Variants in ADARB2 observed in about 807,000 individuals in gnomAD.
ADARB2 encodes the protein inactive double-stranded RNA-specific editase B2.
In ADARB2, 25 loss-of-function variants were observed where a neutral mutation model predicts 62.2. The ratio of observed to expected loss-of-function variants is 0.40; its 90% confidence interval spans 0.29 to 0.56. ADARB2 has a LOEUF of 0.56. Among genes scored for constraint, ADARB2 ranks in the 20% least tolerant of loss-of-function variants. The pLI, the probability that ADARB2 is intolerant of heterozygous loss-of-function variation, is 0.43. For synonymous variants in ADARB2, 572 were observed against 500.8 expected (o/e 1.14, Z -1.90); for missense variants, 1,071 against 1,077.4 (o/e 0.99, Z 0.08).
intron 1 of ADARB2, among the ~76,000 whole-genome samples, chr10:1,505,611 G>A (rs560461818): frequency 4.1e-4 from 62 of 152,158 alleles, no homozygotes; most frequent in Non-Finnish European, 7.2e-4. Context: ...CGCGTCAGCC[G>A]CCTCCCCACA....
At chr10:1,444,269 TTCCATCTATCTACA>T (rs1425133090) in intron 1 of ADARB2, among the ~76,000 whole-genome samples, 102 of 66,368 alleles carry the variant, frequency 1.5e-3, no homozygotes, top group African/African-American at 5.7e-3. Flanking sequence ...ATCCATCTAT[TTCCATCTATCTACA>T]TCCATCCATC....
intron 1 of ADARB2, among the ~76,000 whole-genome samples, chr10:1,602,357 G>A (rs1333039569): frequency 2.6e-5 from 4 of 152,064 alleles, no homozygotes; most frequent in African/African-American, 4.8e-5. Flanking sequence ...TTTTCCCAGC[G>A]TCTCCCTCCC....
chr10:1,184,990 G>C lies in ADARB2; in HGVS notation c.1914C>G (p.Ser638Arg). 2 of 1,613,682 alleles carry C rather than the reference G, an allele frequency of 1.2e-6. No homozygotes were observed. The highest frequency in any genetic ancestry group is 3.3e-5 in the Admixed American group (2 of 60,028). ...ARQPGKSPPFSMNWVVGSADL... is the reference protein window; with the variant it reads ...ARQPGKSPPFRMNWVVGSADL... ...CCGCGCTGCCCACGACCCAGTTCAT[G>C]CTGAAGGGGGGCGACTTCCCCGGCT... The change falls in exon 9 of 10, where the codon AGC becomes AGG. Residue 638 changes from serine (S) to arginine (R), a missense_variant. Coordinates refer to ENST00000381312, the MANE Select transcript of ADARB2 (RefSeq NM_018702.4).
chr10:1,709,768 G>A (rs775822417), intron 1 of ADARB2, among the ~76,000 whole-genome samples: 10 of 152,112 alleles, frequency 6.6e-5, no homozygotes, highest in East Asian at 1.9e-4. Context: ...CCCTTGGCAC[G>A]TCAACACACC....
intron 1 of ADARB2, among the ~76,000 whole-genome samples, chr10:1,733,797 A>G (rs1014643375): frequency 1.3e-5 from 2 of 152,184 alleles, no homozygotes; most frequent in Non-Finnish European, 2.9e-5. Context: ...ATAAAGTGCA[A>G]TCTCCTGGTA....
chr10:1,357,657 G>A (rs907038968), intron 3 of ADARB2, among the ~76,000 whole-genome samples: 3 of 152,224 alleles, frequency 2.0e-5, no homozygotes, highest in Non-Finnish European at 4.4e-5. Context: ...CCCAGGATGG[G>A]AGCGACATGA....
At chr10:1,642,754 C>T (rs1483152870) in intron 1 of ADARB2, among the ~76,000 whole-genome samples, 1 of 151,998 alleles carries the variant, frequency 6.6e-6, no homozygotes, top group African/African-American at 2.4e-5. Flanking sequence ...CACTCACATG[C>T]ACACACACTC....
chr10:1,217,880 C>A (rs1188031943), intron 6 of ADARB2, among the ~76,000 whole-genome samples: 2 of 152,102 alleles, frequency 1.3e-5, no homozygotes, highest in Non-Finnish European at 2.9e-5. Context: ...AGTGACGGAG[C>A]GTCTGGTGGG....
rs777242711 is a variant in ADARB2, at chr10:1,242,112, C to T, written c.1361+19G>A. ...GCCGCGGCGTCCGCCTTCCCTGGAGCCCGTCCCCAGCCGCTCACCTCAGGT... is the reference window on the plus strand; with the variant it reads ...GCCGCGGCGTCCGCCTTCCCTGGAGTCCGTCCCCAGCCGCTCACCTCAGGT... On this transcript the variant is annotated intron_variant, in intron 5 of 9. Coordinates refer to ENST00000381312, the MANE Select transcript of ADARB2 (RefSeq NM_018702.4). 2 of 1,584,640 alleles carry T rather than the reference C, an allele frequency of 1.3e-6. No individual in the cohort carries two copies. Among genetic ancestry groups the T allele is most frequent in the African/African-American group, 1.3e-5 (1 of 74,720 alleles).
intron 1 of ADARB2, among the ~76,000 whole-genome samples, chr10:1,694,045 G>A (rs202088165): frequency 5.3e-5 from 8 of 152,300 alleles, no homozygotes; most frequent in East Asian, 3.9e-4. Context: ...TCTAGTAATC[G>A]ACTTCTTGGA....
chr10:1,329,806 G>A (rs894376857), intron 3 of ADARB2, among the ~76,000 whole-genome samples: 1 of 152,112 alleles, frequency 6.6e-6, no homozygotes, highest in East Asian at 1.9e-4. Flanking sequence ...AGAAGCGTTT[G>A]TAAGAGTGGG....
intron 1 of ADARB2, among the ~76,000 whole-genome samples, chr10:1,517,557 CCTTTT>C (rs2131949165): frequency 6.6e-6 from 1 of 152,280 alleles, no homozygotes; most frequent in African/African-American, 2.4e-5. Flanking sequence ...TTTCCTCTTT[CCTTTT>C]CTTATTTTCC....
At chr10:1,493,757 TTTTTTTTTTTTTTTTTTTTG>T (rs2131933451) in intron 1 of ADARB2, among the ~76,000 whole-genome samples, 1 of 76,686 alleles carries the variant, frequency 1.3e-5, no homozygotes. Flanking sequence ...TTTTTTTTTT[TTTTTTTTTTTTTTTTTTTTG>T]AGATAGGGTC....
intron 1 of ADARB2, among the ~76,000 whole-genome samples, chr10:1,656,891 A>G (rs1351477503): frequency 6.6e-6 from 1 of 152,126 alleles, no homozygotes; most frequent in African/African-American, 2.4e-5. Context: ...AAGTAGAGGC[A>G]TTAGGATGGG....
In ADARB2 at chr10:1,261,534, A is replaced by C. The variant is rs1831136665; in HGVS notation, c.1192+9421T>G. 2.7e-5 allele frequency among the ~76,000 whole-genome samples: 4 copies of C among 150,444 alleles called. 1 individual carries two copies. Among genetic ancestry groups the C allele is most frequent in the African/African-American group, 1.0e-4 (4 of 39,764 alleles). On this transcript the variant is annotated intron_variant, in intron 4 of 9. Transcript: ENST00000381312. ...CAAAAGAAGACATTTATGCAGCCAAAAGACACATGAAAAAATGCTCATTAT... is the reference window on the plus strand; with the variant it reads ...CAAAAGAAGACATTTATGCAGCCAACAGACACATGAAAAAATGCTCATTAT...
chr10:1,631,192 C>T (rs540285715), intron 1 of ADARB2, among the ~76,000 whole-genome samples: 4 of 152,218 alleles, frequency 2.6e-5, no homozygotes, highest in South Asian at 2.1e-4. Flanking sequence ...GGGGTCCCGA[C>T]GCCATCCATG....
intron 1 of ADARB2, among the ~76,000 whole-genome samples, chr10:1,508,901 G>A (rs74121018): frequency 0.022 from 3,294 of 152,304 alleles, 119 homozygotes; most frequent in African/African-American, 0.074. Flanking sequence ...GTGAACCCAG[G>A]CTCTGCGGAG....
chr10:1,292,999 AGGGAAG>A (rs1831482896), intron 3 of ADARB2: 1 of 37,118 alleles, frequency 2.7e-5, no homozygotes, highest in Non-Finnish European at 5.8e-5. Flanking sequence ...AGGGAGAGGG[AGGGAAG>A]GAGAGAGGGA....
rs371125765 is a variant in ADARB2 at position 1,614,163 on chromosome 10, T to C, written c.100+122888A>G. 2.0e-5 allele frequency among the ~76,000 whole-genome samples: 3 copies of C among 152,198 alleles called. No homozygotes were observed. In the East Asian group the frequency reaches 5.8e-4, roughly 29 times the overall value. ...TTTCCATTTTCTCAAAGGAAAAATT[T>C]ATATTTTTGTACAGATGTCATCAAC... On this transcript the variant is annotated intron_variant, in intron 1 of 9. Coordinates refer to ENST00000381312, the MANE Select transcript of ADARB2 (RefSeq NM_018702.4).
Sources: allele counts gnomAD v4.1 joint callset (sites outside exome capture counted in the v4.1 genomes callset), GRCh38; gene constraint gnomAD v4.1.1; transcripts MANE v1.5; gene names NCBI Gene and HGNC (gene_info 2026-07-23, HGNC 2026-07-21).